Variants in MBD2 observed in about 807,000 individuals in gnomAD.
The protein encoded by MBD2 is methyl-CpG-binding domain protein 2.
In MBD2, 9 loss-of-function variants were observed where a neutral mutation model predicts 39.3. The ratio of observed to expected loss-of-function variants is 0.23; its 90% CI spans 0.14 to 0.40. The LOEUF is 0.40. Among genes scored for constraint, MBD2 ranks in the 10% least tolerant of loss-of-function variants. The pLI is 1.00. For missense variants in MBD2, 458 were observed against 532.6 expected, an observed-to-expected ratio of 0.86 and a Z score of 1.38; for synonymous variants, 233 against 211.1, an observed-to-expected ratio of 1.10 and a Z score of -0.90.
chr18:54,207,336 C>T (rs1299113171), intron 1 of MBD2, among the ~76,000 whole-genome samples: 1 of 152,168 alleles, frequency 6.6e-6, no homozygotes, highest in Non-Finnish European at 1.5e-5. Flanking sequence ...ATATCCTCCA[C>T]CTCAACTAGG....
intron 1 of MBD2, 58 bp from the exon 2 acceptor site, chr18:54,205,215 T>C: frequency 6.9e-7 from 1 of 1,440,344 alleles, no homozygotes; most frequent in Admixed American, 2.0e-5. Flanking sequence ...CATAAGCCTT[T>C]TCTTCATGTC....
At chr18:54,157,763 CCAAA>C (rs1371598901) in intron 6 of MBD2, among the ~76,000 whole-genome samples, 1 of 152,190 alleles carries the variant, frequency 6.6e-6, no homozygotes, top group African/African-American at 2.4e-5. Context: ...TGTTCCCCTA[CCAAA>C]CAGAGTTCCC....
At chr18:54,180,137 A>G (rs1276930860) in intron 3 of MBD2, among the ~76,000 whole-genome samples, 26 of 152,110 alleles carry the variant, frequency 1.7e-4, no homozygotes. Context: ...AACCTCAAAT[A>G]TCTAAGAATC....
intron 1 of MBD2, among the ~76,000 whole-genome samples, chr18:54,214,201 GT>G (rs956827479): frequency 2.5e-4 from 34 of 137,906 alleles, no homozygotes; most frequent in South Asian, 9.4e-4. Flanking sequence ...TCTTTGTTTT[GT>G]TTTTTTTTTT....
rs1411027952 is a variant in MBD2, at chr18:54,153,775, A to C, written c.*1549T>G. On this transcript the variant is annotated 3_prime_UTR_variant, in exon 7 of 7. Transcript: ENST00000256429. ...ACCAATTGGCTTCCCAGGGTCTACA[A>C]GTTTCCCTGCTCATCCACCAGCAGG... The C allele has an allele frequency of 2.0e-5, 3 of 152,226 alleles. No individual in the cohort carries two copies. Among genetic ancestry groups the C allele is most frequent in the African/African-American group, 7.2e-5 (3 of 41,442 alleles). The allele number at this position is 152,226 out of a possible 1,614,324, so 9.4% of individuals were successfully genotyped here.
chr18:54,170,184 T>C (rs1330608995), intron 3 of MBD2, among the ~76,000 whole-genome samples: 1 of 152,240 alleles, frequency 6.6e-6, no homozygotes, highest in East Asian at 1.9e-4. Flanking sequence ...AACGGAAGCA[T>C]AGTTGCATGT....
At chr18:54,223,727 T>C (rs900338876) in intron 1 of MBD2, among the ~76,000 whole-genome samples, 2 of 152,208 alleles carry the variant, frequency 1.3e-5, no homozygotes, top group African/African-American at 2.4e-5. Flanking sequence ...CACCTCCTTT[T>C]AACCCTTCAG....
chr18:54,209,164 C>T (rs1460965795), intron 1 of MBD2, among the ~76,000 whole-genome samples: 2 of 151,936 alleles, frequency 1.3e-5, no homozygotes, highest in Non-Finnish European at 2.9e-5. Context: ...AGCGTGGCGG[C>T]GTGCGCCCGT....
chr18:54,191,353 T>C (rs1307822223), intron 2 of MBD2, among the ~76,000 whole-genome samples: 1 of 152,256 alleles, frequency 6.6e-6, no homozygotes, highest in Non-Finnish European at 1.5e-5. Context: ...TGCAATTTGA[T>C]GGCAGGTGGA....
intron 3 of MBD2, among the ~76,000 whole-genome samples, chr18:54,187,074 C>T (rs189721562): frequency 5.9e-5 from 9 of 152,274 alleles, no homozygotes; most frequent in Admixed American, 5.2e-4. Context: ...TAAATAATTA[C>T]TAGAGGTTTT....
intron 2 of MBD2, among the ~76,000 whole-genome samples, chr18:54,203,670 C>T (rs1445990262): frequency 6.6e-6 from 1 of 152,148 alleles, no homozygotes; most frequent in Middle Eastern, 3.2e-3. Flanking sequence ...GTAAACTGCA[C>T]AAATTGAGTG....
intron 2 of MBD2, among the ~76,000 whole-genome samples, chr18:54,194,799 T>C (rs561840481): frequency 7.9e-5 from 12 of 152,156 alleles, no homozygotes; most frequent in Middle Eastern, 3.4e-3. Flanking sequence ...AATGTAACAG[T>C]GAACCATCAA....
Position 54,188,740 on chromosome 18 carries a change from G to A in MBD2, c.840+134C>T, listed in dbSNP as rs182408066. The stretch of plus-strand genomic sequence containing the variant: ...AAATTTTGCATACTTCAGCATTCAT[G>A]TAATAGCCTAGGACATAAAATAATT... On this transcript the variant is annotated intron_variant, in intron 3 of 6. Coordinates refer to ENST00000256429, the MANE Select transcript of MBD2 (RefSeq NM_003927.5). 14 of 884,754 alleles carry A rather than the reference G, an allele frequency of 1.6e-5. No homozygotes were observed. The African/African-American group carries it at 1.7e-4, about 11-fold the overall frequency. The allele number at this position is 884,754 out of a possible 1,614,324, so 54.8% of individuals were successfully genotyped here.
chr18:54,210,856 T>A (rs943225800), intron 1 of MBD2, among the ~76,000 whole-genome samples: 3 of 148,550 alleles, frequency 2.0e-5, no homozygotes, highest in Non-Finnish European at 4.5e-5. Flanking sequence ...AAAAGAAACA[T>A]CAACTTTCTA....
chr18:54,204,321 A>AT (rs2086432145), intron 2 of MBD2, among the ~76,000 whole-genome samples: 1 of 152,232 alleles, frequency 6.6e-6, no homozygotes. Context: ...CTTTGTAAAG[A>AT]TATTGGGTCC....
At chr18:54,198,604 A>G (rs140022303) in intron 2 of MBD2, among the ~76,000 whole-genome samples, 2,152 of 152,280 alleles carry the variant, frequency 0.014, 43 homozygotes, top group African/African-American at 0.049. Context: ...AGTCCCAGCT[A>G]CTCAGGAGGC....
intron 3 of MBD2, among the ~76,000 whole-genome samples, chr18:54,185,500 G>A (rs945648503): frequency 1.3e-5 from 2 of 152,142 alleles, no homozygotes; most frequent in African/African-American, 4.8e-5. Context: ...AAGCAATCAA[G>A]AGACCAGATA....
chr18:54,159,638 C>A, intron 6 of MBD2, 127 bp downstream of exon 6: 1 of 958,334 alleles, frequency 1.0e-6, no homozygotes, highest in Non-Finnish European at 1.6e-6. Flanking sequence ...AAGCTGGTCT[C>A]GAACTACTGA....
At chr18:54,189,957 T>C (rs1459564437) in intron 2 of MBD2, among the ~76,000 whole-genome samples, 1 of 152,072 alleles carries the variant, frequency 6.6e-6, no homozygotes, top group African/African-American at 2.4e-5. Context: ...CCAAGAACTT[T>C]AAGGATACCA....
Sources: gnomAD v4.1 joint callset for allele counts (sites outside exome capture counted in the v4.1 genomes callset) on GRCh38, gnomAD v4.1.1 for gene constraint, MANE v1.5 for transcripts, NCBI Gene and HGNC (gene_info 2026-07-23, HGNC 2026-07-21) for gene names.